The following ABCD3 variants were observed in gnomAD, a reference collection of about 807,000 sequenced individuals.
ABCD3 encodes the protein ATP-binding cassette sub-family D member 3.
ABCD3 carries 41 observed loss-of-function variants against 105.5 expected under a neutral mutation model. That is an observed-to-expected ratio of 0.39 (90% CI 0.30 to 0.50). The LOEUF is 0.50. Among genes scored for constraint, ABCD3 ranks in the 20% least tolerant of loss-of-function variants. The pLI, the probability that ABCD3 is intolerant of heterozygous loss-of-function variation, is 0.84. For missense variants in ABCD3, 622 were observed against 806.3 expected (o/e 0.77, Z 2.77); for synonymous variants, 258 against 269.0 (o/e 0.96, Z 0.40).
At chr1:94,387,829 C>T in the ABCD3 span, among the ~76,000 whole-genome samples, 5 of 152,104 alleles carry the variant, frequency 3.3e-5, no homozygotes, top group African/African-American at 1.2e-4. Context: ...GAATGATGGC[C>T]TCCCAACTTT....
the ABCD3 span, among the ~76,000 whole-genome samples, chr1:94,410,586 A>G: frequency 6.6e-6 from 1 of 152,166 alleles, no homozygotes; most frequent in Non-Finnish European, 1.5e-5. Flanking sequence ...ATCCTGACAG[A>G]GGCTGGAGGA....
At chr1:94,401,661 G>T in the ABCD3 span, among the ~76,000 whole-genome samples, 7 of 152,084 alleles carry the variant, frequency 4.6e-5, no homozygotes, top group Middle Eastern at 3.2e-3. Context: ...AGGACATAAG[G>T]TTACAAGTAA....
At chr1:94,490,113 C>A in intron 15 of ABCD3, 138 bp downstream of exon 15, 3 of 737,532 alleles carry the variant, frequency 4.1e-6, no homozygotes, top group East Asian at 2.6e-5. Context: ...TATCATTGAC[C>A]TAAAAATTGT....
Position 94,463,044 on chromosome 1 carries a change from TTTG to T in ABCD3, c.148-1728_148-1726del, listed in dbSNP as rs149956875. 6.4e-3 allele frequency among the ~76,000 whole-genome samples: 977 copies of T among 152,242 alleles called. 7 individuals are homozygous for T. Among genetic ancestry groups the T allele is most frequent in the African/African-American group, 0.022 (927 of 41,532 alleles). ...ACTGTGAGTGGGGCTTTTTGTCTGT[TTTG>T]TTTGCTGTTGTGTGCTTATCATTTG... On this transcript the variant is annotated intron_variant, in intron 2 of 22. Transcript: ENST00000370214.
At chr1:94,496,723 T>TTTTTTG (rs1649823689) in intron 16 of ABCD3, among the ~76,000 whole-genome samples, 1 of 87,052 alleles carries the variant, frequency 1.1e-5, no homozygotes, top group Non-Finnish European at 2.3e-5. Context: ...TTTTTTTTTT[T>TTTTTTG]GAATAGGATA....
At chr1:94,422,524 C>T (rs1034587614) in intron 1 of ABCD3, among the ~76,000 whole-genome samples, 1 of 152,234 alleles carries the variant, frequency 6.6e-6, no homozygotes, top group African/African-American at 2.4e-5. Flanking sequence ...ATCCCCTACT[C>T]TAGCACTTAC....
chr1:94,417,087 A>G (rs758920007), upstream of ABCD3, among the ~76,000 whole-genome samples: 9 of 152,164 alleles, frequency 5.9e-5, no homozygotes, highest in Admixed American at 2.6e-4. Context: ...TTTTTCTTCT[A>G]TTAATCTGCC....
chr1:94,458,201 C>T (rs1647682637), intron 1 of ABCD3, among the ~76,000 whole-genome samples: 1 of 152,120 alleles, frequency 6.6e-6, no homozygotes, highest in African/African-American at 2.4e-5. Flanking sequence ...GGAAAGATTC[C>T]CAGCAGTAAG....
chr1:94,410,431 T>G, the ABCD3 span, among the ~76,000 whole-genome samples: 10 of 152,224 alleles, frequency 6.6e-5, no homozygotes, highest in Non-Finnish European at 1.5e-4. Flanking sequence ...TTTTATATTT[T>G]CTGTCTAAAA....
upstream of ABCD3, among the ~76,000 whole-genome samples, chr1:94,413,820 C>T (rs1248131158): frequency 2.0e-5 from 3 of 152,120 alleles, no homozygotes; most frequent in Admixed American, 2.0e-4. Context: ...CCCAGACACC[C>T]TACTACATAT....
At chr1:94,405,960 T>C in the ABCD3 span, among the ~76,000 whole-genome samples, 1 of 150,692 alleles carries the variant, frequency 6.6e-6, no homozygotes, top group Non-Finnish European at 1.5e-5. Context: ...ATTTTTTCTT[T>C]TAGTGCATTT....
the ABCD3 span, among the ~76,000 whole-genome samples, chr1:94,388,370 G>A: frequency 1.4e-5 from 2 of 140,930 alleles, no homozygotes; most frequent in Non-Finnish European, 3.1e-5. Context: ...AGAGCATTCT[G>A]AGATTATCAC....
chr1:94,418,039 G>A (rs1428049631), upstream of ABCD3, among the ~76,000 whole-genome samples: 1 of 152,202 alleles, frequency 6.6e-6, no homozygotes, highest in Non-Finnish European at 1.5e-5. Context: ...ACATCACCGC[G>A]GGAGTGGAGA....
At chr1:94,441,144 C>T (rs1381769076) in intron 1 of ABCD3, among the ~76,000 whole-genome samples, 2 of 152,136 alleles carry the variant, frequency 1.3e-5, no homozygotes, top group African/African-American at 4.8e-5. Flanking sequence ...TAAAAAGCTT[C>T]TGTGTGGTAA....
intron 21 of ABCD3, among the ~76,000 whole-genome samples, chr1:94,510,701 T>C (rs951786731): frequency 2.3e-4 from 35 of 152,254 alleles, no homozygotes; most frequent in African/African-American, 7.0e-4. Flanking sequence ...ATATTTAGGA[T>C]AGTTAGCTCT....
At chr1:94,501,092 A>T (rs1650068864) in intron 20 of ABCD3, among the ~76,000 whole-genome samples, 2 of 152,024 alleles carry the variant, frequency 1.3e-5, no homozygotes, top group Admixed American at 6.6e-5. Flanking sequence ...GTGTGGTATA[A>T]AAGTACAGGA....
intron 19 of ABCD3, 59 bp from the exon 20 acceptor site, chr1:94,499,436 C>A: frequency 1.3e-6 from 2 of 1,515,742 alleles, no homozygotes; most frequent in Non-Finnish European, 1.8e-6. Context: ...AAATAAACCA[C>A]TATTAAGAAT....
Position 94,464,951 on chromosome 1 carries a change from A to G in ABCD3, c.246+78A>G, listed in dbSNP as rs999610443. ...ATACCTGAGGCTGGGTAATTTATAA[A>G]GAAAAGAGATTTAATTGGCTCCTGG... is the stretch of plus-strand genomic sequence containing the variant. On this transcript the variant is annotated intron_variant, in intron 3 of 22. Transcript: ENST00000370214. 9.8e-6 allele frequency: 12 copies of G among 1,226,804 alleles called. No individual in the cohort carries two copies. In the African/African-American group the frequency reaches 1.6e-4, roughly 17 times the overall value. 76.0% of individuals were successfully genotyped at this position (1,226,804 alleles called of 1,614,324 possible).
intron 1 of ABCD3, chr1:94,419,087 C>G (rs557641032): frequency 2.4e-5 from 4 of 166,462 alleles, no homozygotes; most frequent in Admixed American, 6.4e-5. Flanking sequence ...AGGTTTGGCT[C>G]GATTCCCGAC....
Sources: allele counts gnomAD v4.1 joint callset (sites outside exome capture counted in the v4.1 genomes callset), GRCh38; gene constraint gnomAD v4.1.1; transcripts MANE v1.5; gene names NCBI Gene and HGNC (gene_info 2026-07-23, HGNC 2026-07-21).